HMGB1: variants seen among roughly 807,000 people sequenced by gnomAD.
HMGB1 encodes the protein high mobility group box 1.
For synonymous variants in HMGB1, 81 were observed against 84.0 expected, an observed-to-expected ratio of 0.96 and a Z score of 0.19; for missense variants, 79 against 253.5, an observed-to-expected ratio of 0.31 and a Z score of 4.67.
chr13:30,526,584 C>T lies in HMGB1; in HGVS notation c.-14-62890G>A, dbSNP rs542953963. On this transcript the variant is annotated intron_variant, in intron 1 of 4. Coordinates refer to the HMGB1 transcript ENST00000405805. ...CAGATAACCTAAAAAAAATTAAAAT[C>T]AAATTGCTATAATCACAGTGCCTGC... 4.6e-5 allele frequency among the ~76,000 whole-genome samples: 7 copies of T among 152,186 alleles called. No individual in the cohort carries two copies. In the East Asian group the frequency reaches 1.4e-3, roughly 29 times the overall value.
intron 1 of HMGB1, among the ~76,000 whole-genome samples, chr13:30,531,798 G>A (rs1289478999): frequency 6.6e-6 from 1 of 151,818 alleles, no homozygotes; most frequent in East Asian, 1.9e-4. Flanking sequence ...TCGGGAGGCT[G>A]AAGCAGGAGA....
intron 1 of HMGB1, among the ~76,000 whole-genome samples, chr13:30,533,137 G>T (rs1888534632): frequency 6.6e-6 from 1 of 152,184 alleles, no homozygotes; most frequent in Non-Finnish European, 1.5e-5. Context: ...TGCAGCAGGG[G>T]AGACAGAAGG....
chr13:30,612,461 T>A (rs1950521434), intron 1 of HMGB1, among the ~76,000 whole-genome samples: 1 of 152,232 alleles, frequency 6.6e-6, no homozygotes, highest in Admixed American at 6.5e-5. Flanking sequence ...AATGCCAGCT[T>A]CAAGCGAATA....
chr13:30,584,476 T>C (rs1871056663), intron 1 of HMGB1, among the ~76,000 whole-genome samples: 1 of 152,222 alleles, frequency 6.6e-6, no homozygotes, highest in South Asian at 2.1e-4. Context: ...ATGTGCTTGT[T>C]GCCTTTCCCC....
chr13:30,594,310 C>A (rs1871506907), intron 1 of HMGB1, among the ~76,000 whole-genome samples: 1 of 152,104 alleles, frequency 6.6e-6, no homozygotes, highest in South Asian at 2.1e-4. Flanking sequence ...CTCTAATGTT[C>A]CTGTTGCCAC....
chr13:30,475,752 A>T (rs887797233), intron 1 of HMGB1, among the ~76,000 whole-genome samples: 1 of 152,140 alleles, frequency 6.6e-6, no homozygotes, highest in African/African-American at 2.4e-5. Flanking sequence ...TCACAATAAA[A>T]AATCCAGATA....
chr13:30,511,940 CT>C (rs35026251), intron 1 of HMGB1, among the ~76,000 whole-genome samples: 55,140 of 151,938 alleles, frequency 0.36, 10,266 homozygotes, highest in Admixed American at 0.46. Flanking sequence ...TCTGATTCTT[CT>C]TTGTGGGGGC....
chr13:30,593,551 T>C (rs1399221736), intron 1 of HMGB1, among the ~76,000 whole-genome samples: 1 of 152,234 alleles, frequency 6.6e-6, no homozygotes, highest in Non-Finnish European at 1.5e-5. Context: ...CACCCATCTA[T>C]AGAAACTTGA....
chr13:30,463,229 G>C lies in HMGB1; in HGVS notation c.274C>G (p.Pro92Ala). 6.2e-7 allele frequency: 1 copy of C among 1,603,648 alleles called. No homozygotes were observed. Residue 92 changes from proline to alanine, a missense_variant, in exon 3 of 5, where the codon CCC (proline) becomes GCC (alanine). Transcript: ENST00000341423. ...KGETKKKFKD[P>A]NAPKRPPSAF... ...CACGGAGGCCTCTTGGGTGCATTGG[G>C]ATCCTTGAACTTCTTTTTTGTCTCC...
chr13:30,553,548 A>G, intron 1 of HMGB1: 1 of 489,546 alleles, frequency 2.0e-6, no homozygotes, highest in East Asian at 4.0e-5. Context: ...TATATATATG[A>G]ATAGAATATA....
intron 1 of HMGB1, chr13:30,464,729 G>A (rs1886621786): frequency 1.5e-6 from 1 of 646,536 alleles, no homozygotes; most frequent in Non-Finnish European, 1.9e-6. Context: ...CGCCGCGAGG[G>A]CGAGCGCGAG....
At chr13:30,483,657 A>G (rs902329554) in intron 1 of HMGB1, among the ~76,000 whole-genome samples, 4 of 132,258 alleles carry the variant, frequency 3.0e-5, no homozygotes, top group Non-Finnish European at 4.7e-5. Context: ...CTTTGTCACC[A>G]GGCTGGAGTG....
chr13:30,524,591 G>C (rs1332731008), intron 1 of HMGB1, among the ~76,000 whole-genome samples: 2 of 152,034 alleles, frequency 1.3e-5, no homozygotes, highest in African/African-American at 2.4e-5. Context: ...GCTGAGGCAG[G>C]AGAATCATTT....
At chr13:30,498,778 G>C (rs574396590) in intron 1 of HMGB1, among the ~76,000 whole-genome samples, 2 of 151,582 alleles carry the variant, frequency 1.3e-5, no homozygotes, top group Admixed American at 1.3e-4. Flanking sequence ...CTCCCGAGTA[G>C]CTGGGACTAC....
In HMGB1 at chr13:30,519,518, A is replaced by AC. The variant is rs1477826504; in HGVS notation, c.-14-55825dup. Among the ~76,000 whole-genome samples the AC allele has an allele frequency of 1.1e-3, 154 of 146,664 alleles. 2 individuals are homozygous for AC. Among genetic ancestry groups the AC allele is most frequent in the African/African-American group, 3.8e-3 (151 of 39,814 alleles). On this transcript the variant is annotated intron_variant, in intron 1 of 4. Transcript: ENST00000405805. ...AGACCATCCCGGCTAACACAGTGAAACCCTGTCTCTACTAAAAATACAAAA... is the reference window on the plus strand; with the variant it reads ...AGACCATCCCGGCTAACACAGTGAAACCCCTGTCTCTACTAAAAATACAAAA...
At chr13:30,587,917 C>T (rs577540385) in intron 1 of HMGB1, among the ~76,000 whole-genome samples, 1 of 152,270 alleles carries the variant, frequency 6.6e-6, no homozygotes, top group South Asian at 2.1e-4. Flanking sequence ...TACATAATGA[C>T]TAATCTCTGG....
intron 1 of HMGB1, among the ~76,000 whole-genome samples, chr13:30,604,580 T>C (rs1950436132): frequency 6.6e-6 from 1 of 152,206 alleles, no homozygotes. Context: ...GAAACTCTGT[T>C]ATAATCTGTC....
At chr13:30,491,694 T>G (rs909703949) in intron 1 of HMGB1, among the ~76,000 whole-genome samples, 1 of 151,684 alleles carries the variant, frequency 6.6e-6, no homozygotes, top group Non-Finnish European at 1.5e-5. Context: ...GAAATAAACT[T>G]TGACTTTTAC....
At position 30,555,867 on chromosome 13, in the gene HMGB1, A is replaced by G. The variant is rs529503976; in HGVS notation, c.-15+60804T>C. ...CTCGTAACCATAGTCTCCATCGTCA[A>G]AAAGGAATGTATAAGGATTATTATG... On this transcript the variant is annotated intron_variant, in intron 1 of 4. Coordinates refer to the HMGB1 transcript ENST00000405805. 3.3e-5 allele frequency among the ~76,000 whole-genome samples: 5 copies of G among 152,324 alleles called. No individual in the cohort carries two copies. In the East Asian group the frequency reaches 9.6e-4, roughly 29 times the overall value.
Sources: allele counts gnomAD v4.1 joint callset (sites outside exome capture counted in the v4.1 genomes callset), GRCh38; gene constraint gnomAD v4.1.1; transcripts MANE v1.5; gene names NCBI Gene and HGNC (gene_info 2026-07-23, HGNC 2026-07-21).